RHBDD1: variants seen among roughly 807,000 people sequenced by gnomAD.
RHBDD1 encodes the protein rhomboid domain containing 1, also known as rhomboid-related protein 4.
In RHBDD1, 38 loss-of-function variants were observed where a neutral mutation model predicts 36.3. The observed-to-expected ratio is 1.05, with a 90% CI of 0.81 to 1.37. The LOEUF is 1.37. Ranked by LOEUF, RHBDD1 falls within the 40% of genes most tolerant of loss-of-function variation. The pLI is 0.00. For synonymous variants in RHBDD1, 151 were observed against 136.5 expected (o/e 1.11, Z -0.74); for missense variants, 393 against 377.6 (o/e 1.04, Z -0.34).
chr2:226,968,424 GAA>G (rs536503402), intron 8 of RHBDD1, among the ~76,000 whole-genome samples: 133 of 152,276 alleles, frequency 8.7e-4, no homozygotes, highest in African/African-American at 3.2e-3. Context: ...CTTCTTCAGG[GAA>G]GTTTCAGCTC....
intron 8 of RHBDD1, among the ~76,000 whole-genome samples, chr2:226,925,758 A>T (rs1244757212): frequency 6.6e-6 from 1 of 152,252 alleles, no homozygotes; most frequent in Admixed American, 6.5e-5. Context: ...TGTTCAAAAC[A>T]TTCATTCAAA....
chr2:226,887,248 A>ATC (rs1946303237), intron 5 of RHBDD1, among the ~76,000 whole-genome samples: 1 of 152,206 alleles, frequency 6.6e-6, no homozygotes, highest in Non-Finnish European at 1.5e-5. Context: ...CATCACTGAG[A>ATC]TATGATCCAG....
At chr2:226,883,405 C>T (rs987727439) in intron 5 of RHBDD1, among the ~76,000 whole-genome samples, 8 of 152,332 alleles carry the variant, frequency 5.3e-5, no homozygotes, top group Admixed American at 5.2e-4. Flanking sequence ...GGGGGCCAGC[C>T]ATGGAGGACT....
the RHBDD1 span, among the ~76,000 whole-genome samples, chr2:226,829,886 A>G: frequency 2.1e-3 from 325 of 152,186 alleles, 3 homozygotes; most frequent in Middle Eastern, 0.014. Context: ...CCAGTACAAC[A>G]TAAGTGATGA....
chr2:226,944,961 A>G (rs1218284149), intron 8 of RHBDD1, among the ~76,000 whole-genome samples: 1 of 151,998 alleles, frequency 6.6e-6, no homozygotes, highest in Non-Finnish European at 1.5e-5. Flanking sequence ...GAATAGGGAG[A>G]CAGTCTGTTG....
intron 8 of RHBDD1, among the ~76,000 whole-genome samples, chr2:226,972,381 G>A (rs1953706347): frequency 2.0e-5 from 3 of 152,306 alleles, no homozygotes; most frequent in Non-Finnish European, 4.4e-5. Flanking sequence ...CTAAATGAGA[G>A]GAGGGAAGAG....
intron 3 of RHBDD1, among the ~76,000 whole-genome samples, chr2:226,857,855 C>T (rs754495432): frequency 6.6e-6 from 1 of 152,024 alleles, no homozygotes; most frequent in East Asian, 1.9e-4. Context: ...ATTAGATATG[C>T]ACAACCTTGT....
chr2:226,829,429 T>C, the RHBDD1 span, among the ~76,000 whole-genome samples: 5 of 152,204 alleles, frequency 3.3e-5, 1 homozygote. Context: ...TTTGAGGGAT[T>C]GTGTATTGAA....
chr2:226,900,126 A>T (rs1441260191), intron 5 of RHBDD1, among the ~76,000 whole-genome samples: 1 of 152,224 alleles, frequency 6.6e-6, no homozygotes, highest in Non-Finnish European at 1.5e-5. Flanking sequence ...CAGGTAACGC[A>T]CTTTGTGTAT....
chr2:226,958,543 A>G (rs1338702747), intron 8 of RHBDD1, among the ~76,000 whole-genome samples: 1 of 152,240 alleles, frequency 6.6e-6, no homozygotes, highest in Non-Finnish European at 1.5e-5. Context: ...ATTGTGTAGT[A>G]TAGAAATGAA....
upstream of RHBDD1, among the ~76,000 whole-genome samples, chr2:226,830,784 C>T (rs543247908): frequency 5.9e-5 from 9 of 152,134 alleles, no homozygotes; most frequent in South Asian, 2.1e-4. Context: ...GTGATCCCCC[C>T]GCCTCAGCCT....
In RHBDD1 at chr2:226,889,557, G is replaced by T. The variant is rs560797421; in HGVS notation, c.567-17236G>T. Among the ~76,000 whole-genome samples the T allele has an allele frequency of 6.6e-5, 10 of 152,314 alleles. No individual in the cohort carries two copies. In the East Asian group the frequency reaches 1.2e-3, roughly 18 times the overall value. ...CATGTAGTGTTTTTGGAAAAGTTTT[G>T]TTGAGGAATACAAATTAGAAATCAG... On this transcript the variant is annotated intron_variant, in intron 5 of 8. Coordinates refer to ENST00000392062, the MANE Select transcript of RHBDD1 (RefSeq NM_001167608.3).
chr2:226,893,936 G>T (rs1298303450), intron 5 of RHBDD1, among the ~76,000 whole-genome samples: 1 of 152,160 alleles, frequency 6.6e-6, no homozygotes, highest in South Asian at 2.1e-4. Flanking sequence ...AAACCTAAGT[G>T]TGCTTTTCAA....
the RHBDD1 span, among the ~76,000 whole-genome samples, chr2:226,819,981 T>G: frequency 0.015 from 1,570 of 103,458 alleles, 30 homozygotes; most frequent in African/African-American, 0.087. Flanking sequence ...GTGTGTGTTT[T>G]TTTTTTTTTT....
intron 3 of RHBDD1, among the ~76,000 whole-genome samples, chr2:226,850,538 G>A (rs764673019): frequency 5.9e-5 from 9 of 152,134 alleles, no homozygotes; most frequent in Non-Finnish European, 1.2e-4. Context: ...AGTTAGGAAA[G>A]TACAGAGAGG....
intron 8 of RHBDD1, among the ~76,000 whole-genome samples, chr2:226,968,638 T>G (rs1038851609): frequency 3.3e-5 from 5 of 152,218 alleles, no homozygotes; most frequent in African/African-American, 1.2e-4. Context: ...ACTTGGAGAT[T>G]GAATGTTTGC....
At chr2:226,837,455 C>G in intron 1 of RHBDD1, 1 of 152,212 alleles carries the variant, frequency 6.6e-6, no homozygotes, top group East Asian at 1.9e-4. Context: ...GCAGTGCATA[C>G]TAATGCTATT....
At chr2:226,855,391 CA>C (rs1441075809) in intron 3 of RHBDD1, among the ~76,000 whole-genome samples, 3 of 152,126 alleles carry the variant, frequency 2.0e-5, no homozygotes, top group Non-Finnish European at 2.9e-5. Flanking sequence ...CATGTAGTCC[CA>C]GCTTGGGAGG....
At chr2:226,807,315 T>C in the RHBDD1 span, among the ~76,000 whole-genome samples, 1 of 152,188 alleles carries the variant, frequency 6.6e-6, no homozygotes, top group African/African-American at 2.4e-5. Flanking sequence ...TGGATTGGGG[T>C]TAAAGGAGAA....
Sources: gnomAD v4.1 joint callset for allele counts (sites outside exome capture counted in the v4.1 genomes callset) on GRCh38, gnomAD v4.1.1 for gene constraint, MANE v1.5 for transcripts, NCBI Gene and HGNC (gene_info 2026-07-23, HGNC 2026-07-21) for gene names.